LECT2: variants seen among roughly 807,000 people sequenced by gnomAD.
LECT2 encodes the protein leukocyte cell derived chemotaxin 2, also known as leukocyte cell-derived chemotaxin-2.
LECT2 carries 11 observed loss-of-function variants against 16.6 expected under a neutral mutation model. The ratio of observed to expected loss-of-function variants is 0.66; its 90% CI spans 0.42 to 1.09. The LOEUF is 1.09. Ranked by LOEUF, LECT2 falls within the 50% of genes least tolerant of loss-of-function variation. LECT2 has a pLI of 0.00. For missense variants in LECT2, 173 were observed against 184.2 expected (o/e 0.94, Z 0.35); for synonymous variants, 54 against 64.8 (o/e 0.83, Z 0.80).
chr5:135,951,397 G>C, intron 2 of LECT2, 29 bp from the exon 3 acceptor site: 1 of 1,605,056 alleles, frequency 6.2e-7, no homozygotes, highest in Non-Finnish European at 8.5e-7. Flanking sequence ...CGAACAGACT[G>C]AGGAACTGCC....
chr5:135,951,004 G>A lies in LECT2; in HGVS notation c.289+219C>T, dbSNP rs534344868. On this transcript the variant is annotated intron_variant, in intron 3 of 3. Transcript: ENST00000274507. ...TGTACACCAAATGTCTGTGACATGT[G>A]GTTTACCTATATAACAAATGTGCAC... 157 of 568,524 alleles carry A rather than the reference G, an allele frequency of 2.8e-4. No homozygotes were observed. In the African/African-American group the frequency reaches 2.8e-3, roughly 10 times the overall value. 35.2% of individuals were successfully genotyped at this position (568,524 alleles called of 1,614,324 possible).
intron 2 of LECT2, 86 bp downstream of exon 2, chr5:135,952,785 C>T (rs371107892): frequency 2.0e-5 from 17 of 865,250 alleles, no homozygotes; most frequent in African/African-American, 1.0e-4. Flanking sequence ...AACTGTGAGC[C>T]CTTGAGGCAA....
intron 3 of LECT2, among the ~76,000 whole-genome samples, chr5:135,947,764 A>AT (rs1763725114): frequency 6.6e-6 from 1 of 152,206 alleles, no homozygotes; most frequent in Admixed American, 6.5e-5. Flanking sequence ...GCCCTGAACA[A>AT]TGTCAACTCC....
At chr5:135,947,905 C>T (rs965696054) in intron 3 of LECT2, among the ~76,000 whole-genome samples, 10 of 152,036 alleles carry the variant, frequency 6.6e-5, no homozygotes, top group Non-Finnish European at 1.3e-4. Flanking sequence ...AAATAGAGTA[C>T]AATATAATAA....
rs1157576093 is a variant in LECT2 at position 135,954,894 on chromosome 5, GA to G, written c.-62del. ...GAGTTGCCCCCACACTCTCTTTGAAGAATATTCAAGTTTGAATGAATACTTC... is the reference window on the plus strand; with the variant it reads ...GAGTTGCCCCCACACTCTCTTTGAAGATATTCAAGTTTGAATGAATACTTC... On this transcript the variant is annotated 5_prime_UTR_variant, in exon 1 of 4. Coordinates refer to ENST00000274507, the MANE Select transcript of LECT2 (RefSeq NM_002302.3). 3.3e-6 allele frequency: 4 copies of G among 1,215,944 alleles called. No homozygotes were observed. The highest frequency in any genetic ancestry group is 4.9e-6 in the Non-Finnish European group (4 of 821,592). The allele number at this position is 1,215,944 out of a possible 1,614,324, so 75.3% of individuals were successfully genotyped here. A position where few individuals can be genotyped will look rare whatever the true frequency, so the allele number is the denominator to read the frequency against.
intron 3 of LECT2, among the ~76,000 whole-genome samples, chr5:135,949,715 C>A (rs1416989652): frequency 6.6e-6 from 1 of 152,230 alleles, no homozygotes; most frequent in South Asian, 2.1e-4. Flanking sequence ...TCAAGAGGCT[C>A]TGGGACTGTG....
chr5:135,947,475 G>GTA lies in LECT2; in HGVS notation c.310_311dup (p.Ile105ThrfsTer94). On this transcript the variant is annotated frameshift_variant, in exon 4 of 4. Transcript: ENST00000274507. LOFTEE classifies it high-confidence loss of function. ...GACCTTTATACTTAATTGGCTTAAT[G>GTA]TAGAACATTTTGACACAAAAACCTA... The GTA allele has an allele frequency of 1.9e-6, 3 of 1,610,856 alleles. No individual in the cohort carries two copies. Among genetic ancestry groups the GTA allele is most frequent in the Non-Finnish European group, 2.5e-6 (3 of 1,178,418 alleles).
chr5:135,952,019 C>T (rs1382984722), intron 2 of LECT2, among the ~76,000 whole-genome samples: 1 of 152,164 alleles, frequency 6.6e-6, no homozygotes, highest in African/African-American at 2.4e-5. Context: ...GTCACCTGAA[C>T]GATCAGGTTC....
At position 135,954,799 on chromosome 5, in the gene LECT2, A is replaced by G; in HGVS notation, c.35T>C (p.Leu12Pro). 1 of 1,613,292 alleles carries G rather than the reference A, an allele frequency of 6.2e-7. No individual in the cohort carries two copies. Among genetic ancestry groups the G allele is most frequent in the Non-Finnish European group, 8.5e-7 (1 of 1,179,246 alleles). The change falls in exon 1 of 4, where the codon CTG becomes CCG. Residue 12 changes from leucine to proline, a missense_variant. By Grantham distance (98) the Leu-to-Pro change is moderately conservative. Transcript: ENST00000274507. Reference sequence around the variant, plus strand: ...CACTTTCGACTTACCGGTAGAAATCAGACCAGCCAAAAGGAGGGCTTTGGT... The same window carrying G: ...CACTTTCGACTTACCGGTAGAAATCGGACCAGCCAAAAGGAGGGCTTTGGT... ...FSTKALLLAG[L>P]ISTALAGPWA...
At chr5:135,954,123 G>T (rs1384379739) in intron 1 of LECT2, among the ~76,000 whole-genome samples, 1 of 152,204 alleles carries the variant, frequency 6.6e-6, no homozygotes, top group East Asian at 1.9e-4. Context: ...CTGGTAATTT[G>T]ACTATTGATT....
Position 135,947,197 on chromosome 5 carries a change from A to G in LECT2, c.*134T>C, listed in dbSNP as rs1383633421. On this transcript the variant is annotated 3_prime_UTR_variant, in exon 4 of 4. Transcript: ENST00000274507. The stretch of plus-strand genomic sequence containing the variant: ...TACAGGCATGCAATGTGTAATAATC[A>G]TGTCATGGAAAATGGGGTATCCATC... The G allele has an allele frequency of 1.1e-5, 8 of 758,110 alleles. No homozygotes were observed. Among genetic ancestry groups the G allele is most frequent in the Admixed American group, 2.4e-5 (1 of 42,446 alleles). 47.0% of individuals were successfully genotyped at this position (758,110 alleles called of 1,614,324 possible).
At chr5:135,949,464 ACT>A (rs1327008061) in intron 3 of LECT2, among the ~76,000 whole-genome samples, 1 of 152,084 alleles carries the variant, frequency 6.6e-6, no homozygotes, top group African/African-American at 2.4e-5. Flanking sequence ...TTACCACCTG[ACT>A]CTAAGCCCCT....
In LECT2 at chr5:135,951,260, C is replaced by T. The variant is rs1763792267; in HGVS notation, c.252G>A (p.Lys84=). 1 of 1,614,070 alleles carries T rather than the reference C, an allele frequency of 6.2e-7. No individual in the cohort carries two copies. Among genetic ancestry groups the T allele is most frequent in the Non-Finnish European group, 8.5e-7 (1 of 1,180,030 alleles). ...IVGQEKPYQN[K]NAINNGVRIS... is the part of the protein sequence containing the mutation. Reference sequence around the variant, plus strand: ...TTCGAACACCATTATTGATAGCATTCTTGTTTTGATAAGGTTTCTCCTGGC... The same window carrying T: ...TTCGAACACCATTATTGATAGCATTTTTGTTTTGATAAGGTTTCTCCTGGC... Residue 84 remains lysine, a synonymous_variant, in exon 3 of 4, where the codon AAG becomes AAA. Transcript: ENST00000274507.
chr5:135,948,823 C>G (rs553241969), intron 3 of LECT2, among the ~76,000 whole-genome samples: 1 of 151,798 alleles, frequency 6.6e-6, no homozygotes, highest in Admixed American at 6.6e-5. Context: ...TACAGGCGCC[C>G]GCCACCACAT....
Position 135,948,668 on chromosome 5 carries a change from TAA to T in LECT2, c.290-1173_290-1172del, listed in dbSNP as rs767065861. 5.4e-3 allele frequency among the ~76,000 whole-genome samples: 799 copies of T among 148,554 alleles called. 3 individuals are homozygous for T. The highest frequency in any genetic ancestry group is 0.014 in the Middle Eastern group (4 of 284). On this transcript the variant is annotated intron_variant, in intron 3 of 3. Transcript: ENST00000274507. ...ACTAGAAAATTTAAAATAATAATAA[TAA>T]TAATTATTATTATTATTTTTTTGAG...
At position 135,947,457 on chromosome 5, in the gene LECT2, A is replaced by G; in HGVS notation, c.330T>C (p.Tyr110=). The G allele has an allele frequency of 6.2e-7, 1 of 1,613,926 alleles. No individual in the cohort carries two copies. Among genetic ancestry groups the G allele is most frequent in the South Asian group, 1.1e-5 (1 of 91,046 alleles). The change falls in exon 4 of 4, where the codon TAT becomes TAC. Residue 110 remains tyrosine (Y), a synonymous_variant. Coordinates refer to ENST00000274507, the MANE Select transcript of LECT2 (RefSeq NM_002302.3). ...VKMFYIKPIK[Y]KGPIKKGEKL... is the part of the protein sequence containing the mutation. The stretch of plus-strand genomic sequence containing the variant: ...TTTCTCCCTTCTTAATAGGACCTTT[A>G]TACTTAATTGGCTTAATGTAGAACA...
At chr5:135,949,240 T>G (rs1390413177) in intron 3 of LECT2, among the ~76,000 whole-genome samples, 1 of 152,258 alleles carries the variant, frequency 6.6e-6, no homozygotes, top group Non-Finnish European at 1.5e-5. Context: ...TTACTGCAGA[T>G]TCAGTCAAAG....
At chr5:135,948,138 G>C (rs901624047) in intron 3 of LECT2, among the ~76,000 whole-genome samples, 1 of 152,166 alleles carries the variant, frequency 6.6e-6, no homozygotes, top group Admixed American at 6.5e-5. Context: ...AGAAAGCAAG[G>C]GCTATTGTCC....
At chr5:135,948,796 T>C (rs1763742036) in intron 3 of LECT2, among the ~76,000 whole-genome samples, 1 of 151,846 alleles carries the variant, frequency 6.6e-6, no homozygotes, top group Non-Finnish European at 1.5e-5. Context: ...TGCCTCAGCC[T>C]CCTGAGTAGC....
Sources: gnomAD v4.1 joint callset for allele counts (sites outside exome capture counted in the v4.1 genomes callset) on GRCh38, gnomAD v4.1.1 for gene constraint, MANE v1.5 for transcripts, NCBI Gene and HGNC (gene_info 2026-07-23, HGNC 2026-07-21) for gene names.